TMEM232: variants seen among roughly 807,000 people sequenced by gnomAD.
The protein encoded by TMEM232 is transmembrane protein 232.
A neutral mutation model predicts 78.8 loss-of-function variants in TMEM232; 80 were observed. The ratio of observed to expected loss-of-function variants is 1.01; its 90% CI spans 0.85 to 1.22. TMEM232 has a LOEUF of 1.22. Among genes scored for constraint, TMEM232 ranks in the 50% most tolerant of loss-of-function variants. TMEM232 has a pLI of 0.00. For synonymous variants in TMEM232, 297 were observed against 254.3 expected (o/e 1.17, Z -1.60); for missense variants, 881 against 742.2 (o/e 1.19, Z -2.17).
intron 11 of TMEM232, among the ~76,000 whole-genome samples, chr5:110,555,355 T>A (rs187589155): frequency 1.3e-5 from 2 of 152,294 alleles, no homozygotes; most frequent in Non-Finnish European, 2.9e-5. Context: ...TATCCATTTT[T>A]ATTGTCCAAG....
chr5:110,666,652 T>C (rs1160715065), intron 2 of TMEM232: 3 of 152,174 alleles, frequency 2.0e-5, no homozygotes, highest in African/African-American at 7.2e-5. Flanking sequence ...TTTAATGATA[T>C]ATTTTGAATT....
intron 10 of TMEM232, among the ~76,000 whole-genome samples, chr5:110,570,054 A>T (rs1776761981): frequency 6.6e-6 from 1 of 151,966 alleles, no homozygotes; most frequent in South Asian, 2.1e-4. Context: ...ATGTTTTACA[A>T]GTAATAGGAG....
intron 11 of TMEM232, among the ~76,000 whole-genome samples, chr5:110,561,246 GT>G (rs1775702386): frequency 6.6e-6 from 1 of 151,980 alleles, no homozygotes; most frequent in African/African-American, 2.4e-5. Context: ...GCACAAAAGA[GT>G]TTGAATTCAA....
intron 12 of TMEM232, among the ~76,000 whole-genome samples, chr5:110,492,871 T>C (rs1339913461): frequency 2.6e-5 from 4 of 152,026 alleles, no homozygotes; most frequent in Admixed American, 2.6e-4. Context: ...AAGCCACATT[T>C]ACTGATTATA....
chr5:110,609,014 T>C (rs955544966), intron 8 of TMEM232, among the ~76,000 whole-genome samples: 10 of 152,056 alleles, frequency 6.6e-5, no homozygotes, highest in Non-Finnish European at 1.3e-4. Context: ...AAAATAACAA[T>C]ATATACATAC....
At chr5:110,686,095 G>C (rs1424957562) in intron 1 of TMEM232, among the ~76,000 whole-genome samples, 2 of 152,028 alleles carry the variant, frequency 1.3e-5, no homozygotes. Flanking sequence ...GACCACAGCA[G>C]TATCTCCCAT....
At chr5:110,704,504 T>C (rs1183304856) in intron 1 of TMEM232, among the ~76,000 whole-genome samples, 4 of 152,100 alleles carry the variant, frequency 2.6e-5, no homozygotes, top group South Asian at 2.1e-4. Context: ...TTTTAACATA[T>C]ACCTTTTGTT....
rs371406148 is a variant in TMEM232 at position 110,393,788 on chromosome 5, C to A, written n.391-3148G>T. On this transcript the variant is annotated intron_variant and non_coding_transcript_variant, in intron 3 of 8. Coordinates refer to the TMEM232 transcript ENST00000507188. ...CCTCACCAACATGGTGAAACCCCAT[C>A]TCTACTAAAAATACAAAAATTAGCC... is the stretch of plus-strand genomic sequence containing the variant. 1.5e-4 allele frequency among the ~76,000 whole-genome samples: 23 copies of A among 151,890 alleles called. No individual in the cohort carries two copies. In the East Asian group the frequency reaches 2.7e-3, roughly 18 times the overall value.
intron 2 of TMEM232, among the ~76,000 whole-genome samples, chr5:110,648,809 C>A (rs1787886414): frequency 6.6e-6 from 1 of 152,084 alleles, no homozygotes; most frequent in South Asian, 2.1e-4. Flanking sequence ...CTTTTTAAGT[C>A]ATTGATTCCA....
chr5:110,532,077 C>A (rs552766054), intron 11 of TMEM232, among the ~76,000 whole-genome samples: 1 of 152,106 alleles, frequency 6.6e-6, no homozygotes, highest in Admixed American at 6.5e-5. Context: ...AGCGGCCAGG[C>A]ATTCCTCCAG....
rs1160396617 is a variant in TMEM232, at chr5:110,420,670, A to AT, written c.1883dup (p.Asn628LysfsTer16). ...TTTTCTTCATAACTTCTTGAAAGTG[A>AT]TTTTTCTCTGCTAACTTTTTATCTT... On this transcript the variant is annotated frameshift_variant, in exon 14 of 14. Coordinates refer to ENST00000455884, the MANE Select transcript of TMEM232 (RefSeq NM_001039763.4). LOFTEE classifies it high-confidence loss of function. 5.2e-6 allele frequency: 8 copies of AT among 1,525,160 alleles called. No individual in the cohort carries two copies. The highest frequency in any genetic ancestry group is 7.0e-6 in the Non-Finnish European group (8 of 1,143,242). The allele number at this position is 1,525,160 out of a possible 1,614,324, so 94.5% of individuals were successfully genotyped here.
At chr5:110,731,033 G>A (rs1434686967), upstream of TMEM232, among the ~76,000 whole-genome samples, 1 of 152,170 alleles carries the variant, frequency 6.6e-6, no homozygotes, top group African/African-American at 2.4e-5. Flanking sequence ...ATACAAAGGG[G>A]GTTCAGGTAT....
rs1382662978 is a variant in TMEM232, at chr5:110,481,724, C to A, written c.1703+46864G>T. Among the ~76,000 whole-genome samples, 3 of 152,152 alleles carry A rather than the reference C, an allele frequency of 2.0e-5. No individual in the cohort carries two copies. In the East Asian group the frequency reaches 5.8e-4, roughly 29 times the overall value. On this transcript the variant is annotated intron_variant, in intron 12 of 13. Coordinates refer to ENST00000455884, the MANE Select transcript of TMEM232 (RefSeq NM_001039763.4). ...AAGCACTTAGAGCTAGTGTTTGAGA[C>A]AAGAGTAGACTTTGAAGCAAACATT... is the stretch of plus-strand genomic sequence containing the variant.
chr5:110,508,779 A>G (rs1332296471), intron 12 of TMEM232, among the ~76,000 whole-genome samples: 1 of 149,048 alleles, frequency 6.7e-6, no homozygotes, highest in Admixed American at 6.8e-5. Context: ...CTAAATATGC[A>G]TATATGCTTT....
chr5:110,449,505 T>G (rs1400248380), intron 12 of TMEM232, among the ~76,000 whole-genome samples: 1 of 151,864 alleles, frequency 6.6e-6, no homozygotes, highest in African/African-American at 2.4e-5. Context: ...AAAGAATTCC[T>G]TCTCTATTTG....
At chr5:110,628,014 G>A in intron 5 of TMEM232, 134 bp from the exon 6 acceptor site, 1 of 688,184 alleles carries the variant, frequency 1.5e-6, no homozygotes, top group Non-Finnish European at 2.4e-6. Context: ...ATATTATGTG[G>A]TTTTTAAATA....
At chr5:110,458,157 G>A (rs79090448) in intron 12 of TMEM232, among the ~76,000 whole-genome samples, 5,699 of 151,862 alleles carry the variant, frequency 0.038, 155 homozygotes, top group Non-Finnish European at 0.053. Context: ...TGGAAATTTT[G>A]GCTGCAGGCT....
chr5:110,494,950 A>C (rs1765487838), intron 12 of TMEM232, among the ~76,000 whole-genome samples: 1 of 151,764 alleles, frequency 6.6e-6, no homozygotes, highest in Admixed American at 6.6e-5. Context: ...TATTCTTACA[A>C]AAATAAGTGA....
intron 12 of TMEM232, among the ~76,000 whole-genome samples, chr5:110,503,679 T>C (rs1023231740): frequency 6.6e-6 from 1 of 152,202 alleles, no homozygotes; most frequent in Non-Finnish European, 1.5e-5. Context: ...TGAAATTCCA[T>C]GGGATTAATT....
Sources: gnomAD v4.1 joint callset for allele counts (sites outside exome capture counted in the v4.1 genomes callset) on GRCh38, gnomAD v4.1.1 for gene constraint, MANE v1.5 for transcripts, NCBI Gene and HGNC (gene_info 2026-07-23, HGNC 2026-07-21) for gene names.